SSBP3: variants seen among roughly 807,000 people sequenced by gnomAD.
SSBP3 encodes single-stranded DNA-binding protein 3.
In SSBP3, 5 loss-of-function variants were observed where a neutral mutation model predicts 69.6. That is an observed-to-expected ratio of 0.07 (90% CI 0.04 to 0.15). SSBP3 has a LOEUF of 0.15. Ranked by LOEUF, SSBP3 falls within the 10% of genes least tolerant of loss-of-function variation. The probability of loss-of-function intolerance (pLI) is 1.00; values close to 1 mark genes in which losing one functional copy is unlikely to be tolerated. For synonymous variants in SSBP3, 196 were observed against 193.4 expected, an observed-to-expected ratio of 1.01 and a Z score of -0.11; for missense variants, 312 against 534.0, an observed-to-expected ratio of 0.58 and a Z score of 4.10.
At chr1:54,241,388 G>A in intron 12 of SSBP3, 86 bp downstream of exon 12, 1 of 1,419,224 alleles carries the variant, frequency 7.0e-7, no homozygotes. Context: ...GTGTGAAAGG[G>A]AAAGAAACGG....
chr1:54,306,598 A>G (rs1482080399), intron 4 of SSBP3, among the ~76,000 whole-genome samples: 4 of 152,220 alleles, frequency 2.6e-5, no homozygotes, highest in Non-Finnish European at 5.9e-5. Flanking sequence ...TATTATCATT[A>G]GAAAGAAGAT....
intron 4 of SSBP3, among the ~76,000 whole-genome samples, chr1:54,305,443 T>G (rs376545730): frequency 1.3e-5 from 2 of 151,738 alleles, no homozygotes; most frequent in East Asian, 3.9e-4. Context: ...GGAGTTGGAG[T>G]TTAGGAGAGC....
At chr1:54,233,984 T>C (rs1644439243) in intron 14 of SSBP3, among the ~76,000 whole-genome samples, 1 of 152,172 alleles carries the variant, frequency 6.6e-6, no homozygotes, top group Admixed American at 6.5e-5. Flanking sequence ...GGGAGACTTT[T>C]CATTTTGTTC....
At chr1:54,248,971 G>A (rs1056826529) in intron 9 of SSBP3, among the ~76,000 whole-genome samples, 2 of 152,200 alleles carry the variant, frequency 1.3e-5, no homozygotes, top group Non-Finnish European at 2.9e-5. Flanking sequence ...CCTCCCGCTG[G>A]AGACACTCCT....
chr1:54,252,123 G>C (rs961131233), intron 7 of SSBP3, among the ~76,000 whole-genome samples: 1 of 152,156 alleles, frequency 6.6e-6, no homozygotes, highest in Non-Finnish European at 1.5e-5. Context: ...CTTGGGGTAG[G>C]GGGTCTGTGT....
chr1:54,253,164 ATTTG>A (rs1394322978), intron 7 of SSBP3, among the ~76,000 whole-genome samples: 1 of 108,412 alleles, frequency 9.2e-6, no homozygotes, highest in Non-Finnish European at 2.0e-5. Context: ...TAGAATTGGT[ATTTG>A]TTTTTGTTTT....
chr1:54,233,978 G>A (rs1221567778), intron 14 of SSBP3, among the ~76,000 whole-genome samples: 1 of 152,200 alleles, frequency 6.6e-6, no homozygotes, highest in Non-Finnish European at 1.5e-5. Flanking sequence ...AGACATGGGA[G>A]ACTTTTCATT....
At chr1:54,291,229 C>G (rs1419862433) in intron 4 of SSBP3, among the ~76,000 whole-genome samples, 4 of 152,110 alleles carry the variant, frequency 2.6e-5, no homozygotes, top group African/African-American at 9.7e-5. Flanking sequence ...TGGGAGCCCA[C>G]ACTCTCCTCA....
At chr1:54,384,320 G>A (rs962816899) in intron 4 of SSBP3, among the ~76,000 whole-genome samples, 1 of 152,196 alleles carries the variant, frequency 6.6e-6, no homozygotes, top group African/African-American at 2.4e-5. Context: ...GGCTCGAACT[G>A]AGCAGACGAA....
intron 5 of SSBP3, among the ~76,000 whole-genome samples, chr1:54,269,995 C>T (rs774408897): frequency 2.6e-5 from 4 of 152,160 alleles, no homozygotes; most frequent in Non-Finnish European, 5.9e-5. Context: ...GGGAGCACAG[C>T]GGGGCTGGGC....
intron 4 of SSBP3, among the ~76,000 whole-genome samples, chr1:54,361,061 G>A (rs1646944749): frequency 6.6e-6 from 1 of 152,092 alleles, no homozygotes; most frequent in African/African-American, 2.4e-5. Flanking sequence ...CTGCATTCCA[G>A]CCTGGGAAAC....
chr1:54,318,856 T>C (rs1284266042), intron 4 of SSBP3, among the ~76,000 whole-genome samples: 9 of 152,144 alleles, frequency 5.9e-5, no homozygotes. Context: ...TAAAACTTAG[T>C]GAGAGAGTAA....
At chr1:54,341,723 AAG>A (rs1491056737) in intron 4 of SSBP3, among the ~76,000 whole-genome samples, 211 of 150,360 alleles carry the variant, frequency 1.4e-3, no homozygotes, top group Non-Finnish European at 2.4e-3. Context: ...AAAAAAAAAA[AAG>A]AAGTCCTGGG....
At chr1:54,240,081 TGTGTGTGCGCGCGCGCGCGTGTGC>T (rs1281730389) in intron 13 of SSBP3, among the ~76,000 whole-genome samples, 10 of 29,406 alleles carry the variant, frequency 3.4e-4, no homozygotes, top group Admixed American at 1.7e-3. Flanking sequence ...TGTGTGTGTG[TGTGTGTGCGCGCGCGCGCGTGTGC>T]GTGCGCGCGC....
chr1:54,277,664 T>G (rs999140184), intron 5 of SSBP3, among the ~76,000 whole-genome samples: 1 of 152,192 alleles, frequency 6.6e-6, no homozygotes, highest in Non-Finnish European at 1.5e-5. Flanking sequence ...ACTATTGGAA[T>G]TTAAAAACAA....
At chr1:54,316,741 A>C (rs1646122061) in intron 4 of SSBP3, among the ~76,000 whole-genome samples, 2 of 151,306 alleles carry the variant, frequency 1.3e-5, no homozygotes, top group African/African-American at 2.4e-5. Flanking sequence ...AAAATGTCTT[A>C]GTCTGTTCTT....
At chr1:54,264,175 G>A (rs988698625) in intron 5 of SSBP3, among the ~76,000 whole-genome samples, 6 of 151,954 alleles carry the variant, frequency 3.9e-5, no homozygotes, top group Admixed American at 6.6e-5. Flanking sequence ...GGTGGTGTGC[G>A]CCTGTGGCCC....
intron 4 of SSBP3, among the ~76,000 whole-genome samples, chr1:54,344,587 T>C (rs1417452981): frequency 3.3e-5 from 5 of 152,202 alleles, no homozygotes; most frequent in Admixed American, 2.0e-4. Context: ...CATCACCTCT[T>C]AACACACTCG....
intron 2 of SSBP3, 95 bp downstream of exon 2, chr1:54,404,763 G>T (rs1368704708): frequency 4.2e-6 from 5 of 1,194,920 alleles, no homozygotes; most frequent in Non-Finnish European, 2.4e-6. Context: ...AATTCAAAAT[G>T]GTGGCCACAG....
Sources: gnomAD v4.1 joint callset for allele counts (sites outside exome capture counted in the v4.1 genomes callset) on GRCh38, gnomAD v4.1.1 for gene constraint, MANE v1.5 for transcripts, NCBI Gene and HGNC (gene_info 2026-07-23, HGNC 2026-07-21) for gene names.